PML: variants seen among roughly 807,000 people sequenced by gnomAD.
The protein encoded by PML is PML nuclear body scaffold.
In PML, 28 loss-of-function variants were observed where a neutral mutation model predicts 65.2. The observed-to-expected ratio is 0.43, with a 90% CI of 0.32 to 0.59. The LOEUF (loss-of-function observed/expected upper bound fraction) is 0.59. Among genes scored for constraint, PML ranks in the 20% least tolerant of loss-of-function variants. PML has a pLI of 0.08. For missense variants in PML, 1,021 were observed against 1,203.4 expected, an observed-to-expected ratio of 0.85 and a Z score of 2.24; for synonymous variants, 500 against 508.8, an observed-to-expected ratio of 0.98 and a Z score of 0.23.
chr15:74,018,353 GAA>G (rs2070691141), intron 2 of PML, among the ~76,000 whole-genome samples: 1 of 150,112 alleles, frequency 6.7e-6, no homozygotes, highest in African/African-American at 2.4e-5. Flanking sequence ...GAAAAAGAAA[GAA>G]AAGAAATTTA....
At chr15:74,003,547 A>ATT (rs1207702795) in intron 2 of PML, among the ~76,000 whole-genome samples, 1 of 152,204 alleles carries the variant, frequency 6.6e-6, no homozygotes, top group Non-Finnish European at 1.5e-5. Flanking sequence ...AAAATAAAAC[A>ATT]TTTAGCACAC....
intron 2 of PML, among the ~76,000 whole-genome samples, chr15:74,012,108 T>C (rs76263001): frequency 0.046 from 7,043 of 152,014 alleles, 240 homozygotes; most frequent in East Asian, 0.19. Context: ...TAATTCTTCA[T>C]CTTAAAATAT....
Position 74,043,671 on chromosome 15 carries a change from C to T in PML, c.1861+532C>T, listed in dbSNP as rs967204020. 3 of 529,246 alleles carry T rather than the reference C, an allele frequency of 5.7e-6. No individual in the cohort carries two copies. The highest frequency in any genetic ancestry group is 1.1e-5 in the Non-Finnish European group (3 of 267,066). The allele number at this position is 529,246 out of a possible 1,614,324, so 32.8% of individuals were successfully genotyped here. On this transcript the variant is annotated intron_variant, in intron 8 of 8. Coordinates refer to ENST00000268058, the MANE Select transcript of PML (RefSeq NM_033238.3). This position sits in a 1 kb window ranked among gnomAD's most constrained non-coding sequence, Gnocchi z 4.3. ...CTTGAGCCAGAGCCCCAGGCCCTAC[C>T]CTGTGGCATGGACTCAACATTGGGG...
intron 7 of PML, chr15:74,036,152 C>T: frequency 6.2e-7 from 1 of 1,607,076 alleles, no homozygotes; most frequent in Non-Finnish European, 8.5e-7. Context: ...GAGGGGAAGG[C>T]TAAGGCATGG....
Position 74,047,515 on chromosome 15 carries a change from C to T in PML, c.*2507C>T. On this transcript the variant is annotated 3_prime_UTR_variant, in exon 9 of 9. Coordinates refer to ENST00000268058, the MANE Select transcript of PML (RefSeq NM_033238.3). ...CTTTGGACTATATCTCAGGTGTTTA[C>T]GTGTCAACTAATGGGAGCTTACTGG... is the stretch of plus-strand genomic sequence containing the variant. The T allele has an allele frequency of 4.5e-6, 1 of 220,340 alleles. No individual in the cohort carries two copies. The highest frequency in any genetic ancestry group is 9.1e-6 in the Non-Finnish European group (1 of 110,000). 13.6% of individuals were successfully genotyped at this position (220,340 alleles called of 1,614,324 possible).
chr15:74,036,134 C>G, intron 7 of PML: 1 of 1,610,760 alleles, frequency 6.2e-7, no homozygotes, highest in Non-Finnish European at 8.5e-7. Context: ...TGGGTCTTCT[C>G]TGGCTGAGAG....
intron 2 of PML, among the ~76,000 whole-genome samples, chr15:74,022,119 G>A (rs1369838933): frequency 1.3e-5 from 2 of 152,122 alleles, no homozygotes; most frequent in African/African-American, 2.4e-5. Flanking sequence ...CAACACACCC[G>A]GCTAATTTTG....
intron 4 of PML, 110 bp downstream of exon 4, chr15:74,025,037 G>A: frequency 2.6e-6 from 2 of 763,324 alleles, no homozygotes; most frequent in Non-Finnish European, 4.8e-6. Flanking sequence ...GTGAGGGACA[G>A]CAAGTGGCTG....
chr15:74,030,702 A>G (rs2071282008), intron 4 of PML, among the ~76,000 whole-genome samples: 1 of 152,148 alleles, frequency 6.6e-6, no homozygotes, highest in Admixed American at 6.5e-5. Context: ...AAGTCAGGCC[A>G]GGGGTCCCGA....
chr15:74,005,818 T>C (rs1233418113), intron 2 of PML, among the ~76,000 whole-genome samples: 1 of 152,202 alleles, frequency 6.6e-6, no homozygotes, highest in Non-Finnish European at 1.5e-5. Flanking sequence ...TCTGCTCCCA[T>C]GTAAAAGTTG....
chr15:74,036,401 C>T, intron 7 of PML: 1 of 1,340,516 alleles, frequency 7.5e-7, no homozygotes, highest in East Asian at 3.0e-5. Context: ...ATCACCCTTG[C>T]GAACCCTTAT....
chr15:74,022,993 G>C lies in PML; in HGVS notation c.768G>C (p.Ala256=). 2 of 1,609,684 alleles carry C rather than the reference G, an allele frequency of 1.2e-6. No homozygotes were observed. Among genetic ancestry groups the C allele is most frequent in the Non-Finnish European group, 1.7e-6 (2 of 1,178,936 alleles). The stretch of plus-strand genomic sequence containing the variant: ...AGGAGCAGGATAGTGCCTTTGGCGC[G>C]GTTCACGCGCAGATGCACGCGGCCG... The part of the protein sequence containing the change: ...ALQEQDSAFG[A]VHAQMHAAVG... The change falls in exon 3 of 9, where the codon GCG becomes GCC. Residue 256 remains alanine, a synonymous_variant. Coordinates refer to ENST00000268058, the MANE Select transcript of PML (RefSeq NM_033238.3).
At chr15:74,010,185 ATTTTTTTTTTTTTTTT>A in intron 2 of PML, among the ~76,000 whole-genome samples, 1 of 77,938 alleles carries the variant, frequency 1.3e-5, no homozygotes, top group South Asian at 4.4e-4. Context: ...TGCCCAGCTA[ATTTTTTTTTTTTTTTT>A]TTTTTTTTTT....
At chr15:73,999,045 C>T (rs1201439829) in intron 2 of PML, among the ~76,000 whole-genome samples, 1 of 152,148 alleles carries the variant, frequency 6.6e-6, no homozygotes, top group African/African-American at 2.4e-5. Context: ...GTAATACATT[C>T]GTACAGTTCA....
At position 73,998,452 on chromosome 15, in the gene PML, A is replaced by G. The variant is rs775451143; in HGVS notation, c.578A>G (p.Asn193Ser). 12 of 1,613,614 alleles carry G rather than the reference A, an allele frequency of 7.4e-6. No individual in the cohort carries two copies. The highest frequency in any genetic ancestry group is 9.3e-6 in the Non-Finnish European group (11 of 1,179,892). Residue 193 changes from asparagine (N) to serine (S), a missense_variant, in exon 2 of 9, where the codon AAC (asparagine) becomes AGC (serine). Asn to Ser is a conservative substitution (Grantham distance 46). Coordinates refer to ENST00000268058, the MANE Select transcript of PML (RefSeq NM_033238.3). Reference protein sequence around the residue: ...KTNNIFCSNPNHRTPTLTSIY... With the variant: ...KTNNIFCSNPSHRTPTLTSIY... The stretch of plus-strand genomic sequence containing the variant: ...AACAACATCTTCTGCTCCAACCCCA[A>G]CCACCGCACCCCTACGCTGACCAGG...
Position 74,043,072 on chromosome 15 carries a change from G to A in PML, c.1794G>A (p.Glu598=). 3 of 1,613,462 alleles carry A rather than the reference G, an allele frequency of 1.9e-6. No individual in the cohort carries two copies. The highest frequency in any genetic ancestry group is 1.7e-6 in the Non-Finnish European group (2 of 1,179,924). Residue 598 remains glutamate, a synonymous_variant, in exon 8 of 9, where the codon GAG becomes GAA. Transcript: ENST00000268058. This position sits in a 1 kb window ranked among gnomAD's most constrained non-coding sequence, Gnocchi z 4.3. ...CCAGCACCCTCAGGGTCCTGGACGA[G>A]AACCTTGCTGACCCCCAAGCAGAAG... The part of the protein sequence containing the change: ...EGPSTLRVLD[E]NLADPQAEDR...
At chr15:74,039,514 T>A (rs1383111996) in intron 7 of PML, among the ~76,000 whole-genome samples, 1 of 152,232 alleles carries the variant, frequency 6.6e-6, no homozygotes, top group Non-Finnish European at 1.5e-5. Context: ...TTCCAGAGGC[T>A]GGATGCTGAC....
chr15:74,032,788 G>T (rs1375292190), intron 5 of PML, 73 bp downstream of exon 5: 3 of 1,504,506 alleles, frequency 2.0e-6, no homozygotes, highest in East Asian at 4.5e-5. Flanking sequence ...CTGGCACTGG[G>T]GTGGGAATCC....
At chr15:74,023,455 C>A in intron 3 of PML, 47 bp downstream of exon 3, 1 of 1,459,696 alleles carries the variant, frequency 6.9e-7, no homozygotes, top group Non-Finnish European at 9.4e-7. Context: ...CTCTGCTGCA[C>A]CCTAGGGAAG....
Sources: gnomAD v4.1 joint callset for allele counts (sites outside exome capture counted in the v4.1 genomes callset) on GRCh38, gnomAD v4.1.1 for gene constraint, Gnocchi (gnomAD v3.1) non-coding constraint, MANE v1.5 for transcripts, NCBI Gene and HGNC (gene_info 2026-07-23, HGNC 2026-07-21) for gene names.